Variants in HIP1 observed in about 807,000 individuals in gnomAD.
HIP1 encodes huntingtin-interacting protein 1.
Under a neutral mutation model 147.6 loss-of-function variants are expected in HIP1, and 65 were observed. The observed-to-expected ratio is 0.44, with a 90% CI of 0.36 to 0.54. HIP1 has a LOEUF of 0.54. Ranked by LOEUF, HIP1 falls within the 20% of genes least tolerant of loss-of-function variation. The probability of loss-of-function intolerance (pLI) is 0.00; values close to 1 mark genes in which losing one functional copy is unlikely to be tolerated. For missense variants in HIP1, 1,061 were observed against 1,299.6 expected (o/e 0.82, Z 2.82); for synonymous variants, 479 against 504.0 (o/e 0.95, Z 0.67).
chr7:75,659,440 C>T (rs1393074949), intron 1 of HIP1, among the ~76,000 whole-genome samples: 4 of 151,474 alleles, frequency 2.6e-5, no homozygotes, highest in Admixed American at 6.6e-5. Context: ...GTGTAGATCA[C>T]TTGATCGAGA....
intron 15 of HIP1, among the ~76,000 whole-genome samples, 182 bp from the exon 16 acceptor site, chr7:75,557,952 A>G (rs587639593): frequency 1.3e-5 from 2 of 152,348 alleles, no homozygotes; most frequent in South Asian, 4.1e-4. Flanking sequence ...TTACAAAATA[A>G]TAAAGAAGGT....
At chr7:75,718,935 A>G (rs1011531668) in intron 1 of HIP1, among the ~76,000 whole-genome samples, 1 of 152,118 alleles carries the variant, frequency 6.6e-6, no homozygotes, top group African/African-American at 2.4e-5. Flanking sequence ...CCCTCAACTC[A>G]GGCCTAATCA....
intron 1 of HIP1, among the ~76,000 whole-genome samples, chr7:75,651,577 C>G (rs1305865978): frequency 1.3e-5 from 2 of 151,024 alleles, no homozygotes; most frequent in Non-Finnish European, 1.5e-5. Context: ...TACATCAGAA[C>G]CCCAAGTTCA....
chr7:75,595,465 C>T, intron 2 of HIP1, among the ~76,000 whole-genome samples: 1 of 151,806 alleles, frequency 6.6e-6, no homozygotes, highest in East Asian at 1.9e-4. Flanking sequence ...GCCTCAGCCT[C>T]CCAAGTAGCT....
At chr7:75,601,619 A>C (rs782263134) in intron 1 of HIP1, among the ~76,000 whole-genome samples, 6 of 108,388 alleles carry the variant, frequency 5.5e-5, no homozygotes, top group African/African-American at 1.2e-4. Context: ...ACAACAACAA[A>C]AAAAAAAAGA....
chr7:75,634,937 C>T (rs587760339), intron 1 of HIP1, among the ~76,000 whole-genome samples: 1 of 89,842 alleles, frequency 1.1e-5, no homozygotes, highest in Admixed American at 1.7e-4. Context: ...GAGACACTAT[C>T]TCTGAAAAAA....
At chr7:75,560,053 G>T in intron 13 of HIP1, 138 bp from the exon 14 acceptor site, 1 of 801,978 alleles carries the variant, frequency 1.2e-6, no homozygotes, top group Non-Finnish European at 1.9e-6. Flanking sequence ...CAGGAGGGTT[G>T]GACCATCTGG....
chr7:75,559,937 G>A (rs772842048), intron 13 of HIP1, 22 bp from the exon 14 acceptor site: 1 of 1,568,666 alleles, frequency 6.4e-7, no homozygotes, highest in Non-Finnish European at 8.6e-7. Context: ...CTCCGGTCAT[G>A]AGGCCAACCG....
chr7:75,706,501 T>A (rs1372595044), intron 1 of HIP1, among the ~76,000 whole-genome samples: 8 of 149,034 alleles, frequency 5.4e-5, no homozygotes, highest in Admixed American at 6.7e-5. Context: ...TTTATTTTTT[T>A]ATTTTTTATT....
chr7:75,580,437 G>T (rs930194700), intron 7 of HIP1, among the ~76,000 whole-genome samples: 2 of 152,024 alleles, frequency 1.3e-5, no homozygotes, highest in Admixed American at 6.6e-5. Context: ...GAAACCACCC[G>T]CTTGGAAAAT....
intron 1 of HIP1, among the ~76,000 whole-genome samples, chr7:75,697,031 T>C (rs1201505946): frequency 6.6e-6 from 1 of 152,036 alleles, no homozygotes; most frequent in African/African-American, 2.4e-5. Context: ...TTCTTGAAAC[T>C]TAACTTTTTA....
chr7:75,701,070 G>A (rs1040487320), intron 1 of HIP1, among the ~76,000 whole-genome samples: 3 of 152,128 alleles, frequency 2.0e-5, no homozygotes, highest in Non-Finnish European at 2.9e-5. Context: ...CGGATGGGAT[G>A]AGAATATTCA....
intron 1 of HIP1, among the ~76,000 whole-genome samples, chr7:75,635,573 A>G (rs1554509543): frequency 8.1e-6 from 1 of 123,272 alleles, no homozygotes; most frequent in Non-Finnish European, 1.8e-5. Context: ...GAGAGACTCC[A>G]TCTCAAAAAA....
chr7:75,681,841 C>T (rs189908782), intron 1 of HIP1, among the ~76,000 whole-genome samples: 21 of 151,886 alleles, frequency 1.4e-4, no homozygotes, highest in African/African-American at 4.3e-4. Flanking sequence ...GCTTGTCATC[C>T]CATTTTGAAC....
intron 1 of HIP1, among the ~76,000 whole-genome samples, chr7:75,676,728 A>C (rs1584942985): frequency 6.6e-6 from 1 of 150,578 alleles, no homozygotes; most frequent in East Asian, 2.0e-4. Context: ...GTGGGCCGAG[A>C]TCGTGCCATT....
Position 75,537,897 on chromosome 7 carries a change from C to T in HIP1, c.*275G>A. On this transcript the variant is annotated 3_prime_UTR_variant, in exon 31 of 31. Coordinates refer to ENST00000336926, the MANE Select transcript of HIP1 (RefSeq NM_005338.7). ...GTTGAGTGGCCCTGCCCCCCACCAC[C>T]CCTCTTCGTACCTAGGCTTGCTCAT... The T allele has an allele frequency of 2.0e-6, 1 of 502,704 alleles. No individual in the cohort carries two copies. The allele number at this position is 502,704 out of a possible 1,614,324, so 31.1% of individuals were successfully genotyped here.
chr7:75,540,187 G>GT (rs1554489577), intron 29 of HIP1, among the ~76,000 whole-genome samples: 1 of 152,092 alleles, frequency 6.6e-6, no homozygotes, highest in East Asian at 1.9e-4. Context: ...CAGCACTTTG[G>GT]GAGGCCAACG....
At chr7:75,641,916 C>T (rs993817450) in intron 1 of HIP1, among the ~76,000 whole-genome samples, 1 of 152,202 alleles carries the variant, frequency 6.6e-6, no homozygotes, top group African/African-American at 2.4e-5. Context: ...CCCACTCCAT[C>T]TAATCAGGTC....
At chr7:75,634,780 T>A (rs1383181982) in intron 1 of HIP1, among the ~76,000 whole-genome samples, 2 of 151,028 alleles carry the variant, frequency 1.3e-5, no homozygotes, top group Non-Finnish European at 3.0e-5. Flanking sequence ...AATAAATAAA[T>A]AAAATAAAAA....
Sources: gnomAD v4.1 joint callset for allele counts (sites outside exome capture counted in the v4.1 genomes callset) on GRCh38, gnomAD v4.1.1 for gene constraint, MANE v1.5 for transcripts, NCBI Gene and HGNC (gene_info 2026-07-23, HGNC 2026-07-21) for gene names.